Variants in EFHC1 observed in about 807,000 individuals in gnomAD.
EFHC1 encodes the protein EF-hand domain containing 1, also known as EF-hand domain-containing protein 1.
EFHC1 carries 53 observed loss-of-function variants against 69.9 expected under a neutral mutation model. The observed-to-expected ratio is 0.76, with a 90% CI of 0.61 to 0.95. The LOEUF is 0.95. EFHC1 is among the 40% of genes least tolerant of loss of function. The pLI is 0.00. For synonymous variants in EFHC1, 256 were observed against 278.4 expected (o/e 0.92, Z 0.80); for missense variants, 739 against 798.7 (o/e 0.93, Z 0.90).
intron 9 of EFHC1, chr6:52,481,547 A>T (rs1431992315): frequency 2.1e-5 from 3 of 142,294 alleles, no homozygotes; most frequent in African/African-American, 8.5e-5. Flanking sequence ...TCTCGACAGG[A>T]TCTCGCTCTG....
chr6:52,464,436 T>G (rs1302081047), intron 5 of EFHC1, among the ~76,000 whole-genome samples: 1 of 152,180 alleles, frequency 6.6e-6, no homozygotes, highest in African/African-American at 2.4e-5. Context: ...ATCTACAGTG[T>G]TAATTATCGT....
At chr6:52,425,334 A>T (rs1016688158) in intron 2 of EFHC1, among the ~76,000 whole-genome samples, 1 of 152,220 alleles carries the variant, frequency 6.6e-6, no homozygotes, top group African/African-American at 2.4e-5. Context: ...CTGAAAATAC[A>T]AGAGAGAAGT....
intron 9 of EFHC1, among the ~76,000 whole-genome samples, chr6:52,484,855 G>C (rs973730698): frequency 6.6e-6 from 1 of 152,012 alleles, no homozygotes; most frequent in Non-Finnish European, 1.5e-5. Flanking sequence ...GATGTTGGAG[G>C]TTTCAAGAGA....
At chr6:52,461,820 A>G (rs536323836) in intron 5 of EFHC1, among the ~76,000 whole-genome samples, 1 of 152,316 alleles carries the variant, frequency 6.6e-6, no homozygotes, top group East Asian at 1.9e-4. Context: ...ACAAAAAGAC[A>G]TTTGGGCAAA....
chr6:52,493,504 TAGCC>T lies in EFHC1; in HGVS notation c.*1166_*1169del, dbSNP rs1259355014. On this transcript the variant is annotated 3_prime_UTR_variant, in exon 11 of 11. Transcript: ENST00000371068. Reference sequence around the variant, plus strand: ...ACATCTCTACTAAAAATAGAAAAATTAGCCAGGTGTGGTGGCGTGTGCCTGTAGT... The same window carrying T: ...ACATCTCTACTAAAAATAGAAAAATTAGGTGTGGTGGCGTGTGCCTGTAGT... The T allele has an allele frequency of 5.0e-6, 2 of 397,388 alleles. No individual in the cohort carries two copies. The highest frequency in any genetic ancestry group is 6.8e-5 in the Admixed American group (2 of 29,374). 24.6% of individuals were successfully genotyped at this position (397,388 alleles called of 1,614,324 possible). A position where few individuals can be genotyped will look rare whatever the true frequency, so the allele number is the denominator to read the frequency against.
At chr6:52,474,086 G>A (rs978840492) in intron 7 of EFHC1, among the ~76,000 whole-genome samples, 2 of 152,146 alleles carry the variant, frequency 1.3e-5, no homozygotes, top group Non-Finnish European at 2.9e-5. Flanking sequence ...ACTTTGGGAG[G>A]CGGAGGCAGG....
intron 5 of EFHC1, 124 bp downstream of exon 5, chr6:52,454,411 C>G (rs1050784791): frequency 2.2e-5 from 26 of 1,183,280 alleles, no homozygotes; most frequent in African/African-American, 6.1e-5. Flanking sequence ...CTTAGATGCT[C>G]AGAAAATGGC....
chr6:52,458,272 A>G (rs6939288), intron 5 of EFHC1, among the ~76,000 whole-genome samples: 27,387 of 152,120 alleles, frequency 0.18, 2,931 homozygotes, highest in Non-Finnish European at 0.24. Context: ...CAGGGGGAAA[A>G]AAAAAGCAAA....
At chr6:52,450,483 G>T (rs1246513925) in intron 3 of EFHC1, among the ~76,000 whole-genome samples, 2 of 152,174 alleles carry the variant, frequency 1.3e-5, no homozygotes, top group Non-Finnish European at 2.9e-5. Flanking sequence ...GAATCTGGGT[G>T]TTCCTGTATT....
chr6:52,491,487 C>T (rs985063297), intron 10 of EFHC1, among the ~76,000 whole-genome samples: 2 of 152,216 alleles, frequency 1.3e-5, no homozygotes, highest in Admixed American at 1.3e-4. Context: ...AAGTCTTACT[C>T]CTCATGAGCT....
At chr6:52,469,548 G>A (rs1213765242) in intron 7 of EFHC1, 75 bp downstream of exon 7, 16 of 1,591,194 alleles carry the variant, frequency 1.0e-5, no homozygotes, top group Non-Finnish European at 2.6e-6. Context: ...TTATCTGTAA[G>A]CTGTAGATTA....
Position 52,420,480 on chromosome 6 carries a change from A to G in EFHC1, c.63+7A>G. The G allele has an allele frequency of 6.2e-7, 1 of 1,614,150 alleles. No homozygotes were observed. Among genetic ancestry groups the G allele is most frequent in the Non-Finnish European group, 8.5e-7 (1 of 1,180,002 alleles). On this transcript the variant is annotated splice_region_variant and intron_variant, in intron 1 of 10. Coordinates refer to ENST00000371068, the MANE Select transcript of EFHC1 (RefSeq NM_018100.4). The stretch of plus-strand genomic sequence containing the variant: ...GTCCTTTAAGGACTCTACGGTGAGC[A>G]GTTATCTGCCAGACTCCCACCTGTC...
intron 2 of EFHC1, among the ~76,000 whole-genome samples, chr6:52,435,528 C>T (rs1039712148): frequency 5.3e-5 from 8 of 152,160 alleles, no homozygotes; most frequent in African/African-American, 1.7e-4. Context: ...ACCACTATAT[C>T]GCCAGCACTG....
chr6:52,464,419 GA>G (rs1165007375), intron 5 of EFHC1, among the ~76,000 whole-genome samples: 2 of 152,142 alleles, frequency 1.3e-5, no homozygotes, highest in African/African-American at 4.8e-5. Flanking sequence ...ATGAAGTCAG[GA>G]ATTGTATCTA....
chr6:52,435,015 G>T (rs1316402494), intron 2 of EFHC1, among the ~76,000 whole-genome samples: 3 of 152,040 alleles, frequency 2.0e-5, no homozygotes, highest in Admixed American at 2.0e-4. Context: ...TTAGAAAACA[G>T]ATGGTTTGGG....
intron 3 of EFHC1, among the ~76,000 whole-genome samples, chr6:52,440,770 T>G (rs530543867): frequency 1.3e-5 from 2 of 152,264 alleles, no homozygotes; most frequent in African/African-American, 4.8e-5. Flanking sequence ...TAAACATTTC[T>G]TTTTCTCCAC....
chr6:52,454,141 G>C lies in EFHC1; in HGVS notation c.770G>C (p.Gly257Ala). 1.9e-6 allele frequency: 3 copies of C among 1,614,026 alleles called. No individual in the cohort carries two copies. The African/African-American group carries it at 4.0e-5, about 22-fold the overall frequency. Residue 257 changes from glycine to alanine, a missense_variant, in exon 5 of 11, where the codon GGT becomes GCT. Coordinates refer to ENST00000371068, the MANE Select transcript of EFHC1 (RefSeq NM_018100.4). Reference sequence around the variant, plus strand: ...TGGGATGATACAGACAGCATGTATGGTGAATGTCGGACCTACATCATTCAT... The same window carrying C: ...TGGGATGATACAGACAGCATGTATGCTGAATGTCGGACCTACATCATTCAT... The part of the protein sequence containing the change: ...AIWDDTDSMY[G>A]ECRTYIIHYY...
chr6:52,482,711 T>G (rs572946653), intron 9 of EFHC1: 5 of 398,104 alleles, frequency 1.3e-5, no homozygotes, highest in African/African-American at 8.2e-5. Context: ...TCTTTTAATG[T>G]GAAGCATTTT....
chr6:52,473,090 C>G (rs1359415973), intron 7 of EFHC1, among the ~76,000 whole-genome samples: 1 of 152,152 alleles, frequency 6.6e-6, no homozygotes, highest in Non-Finnish European at 1.5e-5. Context: ...AGCCAAGATA[C>G]TCTTGGAGAA....
Sources: gnomAD v4.1 joint callset for allele counts (sites outside exome capture counted in the v4.1 genomes callset) on GRCh38, gnomAD v4.1.1 for gene constraint, MANE v1.5 for transcripts, NCBI Gene and HGNC (gene_info 2026-07-23, HGNC 2026-07-21) for gene names.